The following SMAD1 variants were observed in gnomAD, a reference collection of about 807,000 sequenced individuals.
SMAD1 encodes the protein MAD, mothers against decapentaplegic homolog 1.
SMAD1 carries 6 observed loss-of-function variants against 41.6 expected under a neutral mutation model. The observed-to-expected ratio is 0.14, with a 90% CI of 0.08 to 0.28. The LOEUF is 0.28. SMAD1 is among the 10% of genes least tolerant of loss of function. SMAD1 has a pLI of 1.00. For synonymous variants in SMAD1, 206 were observed against 203.2 expected, an observed-to-expected ratio of 1.01 and a Z score of -0.12; for missense variants, 379 against 582.6, an observed-to-expected ratio of 0.65 and a Z score of 3.60.
At chr4:145,507,707 T>C (rs758142226) in intron 1 of SMAD1, among the ~76,000 whole-genome samples, 24 of 152,004 alleles carry the variant, frequency 1.6e-4, no homozygotes, top group Non-Finnish European at 3.1e-4. Flanking sequence ...TGTTTATATT[T>C]GGACAAGAGG....
At position 145,482,806 on chromosome 4, in the gene SMAD1, A is replaced by T. The variant is rs1728266417; in HGVS notation, c.-177+768A>T. ...TCCCTTTACCGGAGTCGATTGCCTC[A>T]CTGCATGTGTATTCGTGAGTTCGCG... is the stretch of plus-strand genomic sequence containing the variant. On this transcript the variant is annotated intron_variant, in intron 1 of 6. Transcript: ENST00000302085. The surrounding 1 kb of genome is among the most constrained non-coding windows in gnomAD (Gnocchi z 4.2). 1 of 151,632 alleles carries T rather than the reference A, an allele frequency of 6.6e-6. No homozygotes were observed. Among genetic ancestry groups the T allele is most frequent in the Non-Finnish European group, 1.5e-5 (1 of 67,928 alleles). 9.4% of individuals were successfully genotyped at this position (151,632 alleles called of 1,614,324 possible).
intron 2 of SMAD1, among the ~76,000 whole-genome samples, chr4:145,534,226 G>A (rs1004089534): frequency 2.0e-5 from 3 of 152,218 alleles, no homozygotes; most frequent in Non-Finnish European, 4.4e-5. Context: ...TAAGCCGCCA[G>A]TCTATGGTAT....
intron 1 of SMAD1, among the ~76,000 whole-genome samples, chr4:145,488,836 T>G (rs1232070862): frequency 3.3e-5 from 5 of 152,124 alleles, no homozygotes; most frequent in Admixed American, 3.3e-4. Context: ...TACACAAACA[T>G]GAAAAATTAA....
chr4:145,550,547 A>G (rs1028314416), intron 5 of SMAD1, among the ~76,000 whole-genome samples: 1 of 152,182 alleles, frequency 6.6e-6, no homozygotes, highest in African/African-American at 2.4e-5. Flanking sequence ...AACAAAAGAG[A>G]TAAATAAATA....
At chr4:145,529,691 G>A (rs927923504) in intron 2 of SMAD1, among the ~76,000 whole-genome samples, 2 of 152,154 alleles carry the variant, frequency 1.3e-5, no homozygotes, top group Non-Finnish European at 2.9e-5. Context: ...GACCAATACT[G>A]TGTAGAGTTT....
At chr4:145,519,014 A>C (rs550224239) in intron 2 of SMAD1, among the ~76,000 whole-genome samples, 10 of 88,262 alleles carry the variant, frequency 1.1e-4, no homozygotes, top group African/African-American at 3.6e-4. Flanking sequence ...GTATTTGCTT[A>C]TTTCTTTCTT....
intron 1 of SMAD1, among the ~76,000 whole-genome samples, chr4:145,485,592 G>A (rs776131192): frequency 1.3e-5 from 2 of 152,098 alleles, no homozygotes; most frequent in Non-Finnish European, 2.9e-5. Context: ...ATGATTTGTG[G>A]AGTCAAAGAT....
intron 2 of SMAD1, among the ~76,000 whole-genome samples, chr4:145,529,577 C>G (rs1418448855): frequency 6.6e-6 from 1 of 152,096 alleles, no homozygotes; most frequent in Non-Finnish European, 1.5e-5. Context: ...TGCCTCTTGA[C>G]CAAAAAAACT....
intron 2 of SMAD1, among the ~76,000 whole-genome samples, chr4:145,534,497 G>A (rs1311051974): frequency 6.6e-6 from 1 of 152,226 alleles, no homozygotes; most frequent in Non-Finnish European, 1.5e-5. Flanking sequence ...TGTGAGAGGG[G>A]CTGGCCCCTA....
chr4:145,485,815 A>G (rs1037545594), intron 1 of SMAD1, among the ~76,000 whole-genome samples: 1 of 152,296 alleles, frequency 6.6e-6, no homozygotes, highest in East Asian at 1.9e-4. Context: ...TTTTTACTGT[A>G]TGTATGCCAG....
intron 3 of SMAD1, among the ~76,000 whole-genome samples, chr4:145,540,821 A>G (rs953150164): frequency 1.2e-4 from 18 of 151,880 alleles, no homozygotes; most frequent in African/African-American, 3.9e-4. Flanking sequence ...AACATCTATT[A>G]ATGTTTTCGG....
At chr4:145,488,968 A>G (rs1728636520) in intron 1 of SMAD1, among the ~76,000 whole-genome samples, 1 of 152,200 alleles carries the variant, frequency 6.6e-6, no homozygotes, top group Admixed American at 6.5e-5. Flanking sequence ...AGGAAGAGGG[A>G]CATTATAGAC....
intron 6 of SMAD1, among the ~76,000 whole-genome samples, chr4:145,557,047 T>C (rs1470677095): frequency 6.6e-6 from 1 of 152,248 alleles, no homozygotes; most frequent in Non-Finnish European, 1.5e-5. Flanking sequence ...CCTTCTCTGA[T>C]ATTCCTCATG....
At chr4:145,505,931 A>ACCTC (rs969072098) in intron 1 of SMAD1, among the ~76,000 whole-genome samples, 1 of 151,164 alleles carries the variant, frequency 6.6e-6, no homozygotes, top group African/African-American at 2.4e-5. Context: ...TGCAACCTCC[A>ACCTC]CCTCCCTGTT....
In SMAD1 at chr4:145,553,079, AT is replaced by A. The variant is rs113208405; in HGVS notation, c.998-690del. 4.6e-3 allele frequency among the ~76,000 whole-genome samples: 642 copies of A among 138,552 alleles called. 1 individual carries two copies. Among genetic ancestry groups the A allele is most frequent in the Middle Eastern group, 0.011 (3 of 274 alleles). 90.9% of individuals were successfully genotyped at this position (138,552 alleles called of 152,430 possible). On this transcript the variant is annotated intron_variant, in intron 5 of 6. Coordinates refer to ENST00000302085, the MANE Select transcript of SMAD1 (RefSeq NM_005900.3). ...CCCCTATGCCTGGCTAATTTTTTGT[AT>A]TTTTTTTTTTTTTTGTGGAGATGGG...
chr4:145,494,993 A>C (rs950188555), intron 1 of SMAD1, among the ~76,000 whole-genome samples: 1 of 152,214 alleles, frequency 6.6e-6, no homozygotes, highest in African/African-American at 2.4e-5. Context: ...CGGAGTCTGC[A>C]AATGAGTTAT....
upstream of SMAD1, among the ~76,000 whole-genome samples, chr4:145,480,819 A>G (rs2126917779): frequency 6.6e-6 from 1 of 152,322 alleles, no homozygotes; most frequent in East Asian, 1.9e-4. Flanking sequence ...TAGGGAAAAT[A>G]AGATGAGGCC....
rs141057736 is a variant in SMAD1 at position 145,502,534 on chromosome 4, A to G, written c.-176-11904A>G. 7.2e-3 allele frequency among the ~76,000 whole-genome samples: 1,091 copies of G among 152,354 alleles called. 14 individuals carry two copies. Among genetic ancestry groups the G allele is most frequent in the African/African-American group, 0.024 (1,011 of 41,572 alleles). On this transcript the variant is annotated intron_variant, in intron 1 of 6. Coordinates refer to ENST00000302085, the MANE Select transcript of SMAD1 (RefSeq NM_005900.3). ...TCTCTGTGATTAAGAAAAATTAACC[A>G]GGTACTCTATTAGCAGCCTAGATTT...
At chr4:145,549,929 T>A (rs558692408) in intron 5 of SMAD1, among the ~76,000 whole-genome samples, 28 of 152,330 alleles carry the variant, frequency 1.8e-4, no homozygotes, top group African/African-American at 5.8e-4. Flanking sequence ...CAATTTTGCA[T>A]ACATTTGGGA....
Sources: allele counts gnomAD v4.1 joint callset (sites outside exome capture counted in the v4.1 genomes callset), GRCh38; gene constraint gnomAD v4.1.1; non-coding constraint Gnocchi (gnomAD v3.1); transcripts MANE v1.5; gene names NCBI Gene and HGNC (gene_info 2026-07-23, HGNC 2026-07-21).